Variants in GTF2B observed in about 807,000 individuals in gnomAD.
GTF2B encodes the protein transcription initiation factor IIB.
A neutral mutation model predicts 34.6 loss-of-function variants in GTF2B; 20 were observed. The observed-to-expected ratio is 0.58, with a 90% CI of 0.41 to 0.84. The LOEUF is 0.84. Among genes scored for constraint, GTF2B ranks in the 40% least tolerant of loss-of-function variants. GTF2B has a pLI of 0.00. For missense variants in GTF2B, 237 were observed against 393.3 expected (o/e 0.60, Z 3.36); for synonymous variants, 142 against 132.4 (o/e 1.07, Z -0.50).
chr1:88,859,787 G>C, intron 5 of GTF2B, 95 bp downstream of exon 5: 1 of 1,076,764 alleles, frequency 9.3e-7, no homozygotes, highest in South Asian at 1.4e-5. Context: ...AGTGAGTCAA[G>C]ATTGCGCCAC....
At chr1:88,859,853 AAC>A (rs771278467) in intron 5 of GTF2B, 27 bp downstream of exon 5, 3 of 1,600,754 alleles carry the variant, frequency 1.9e-6, no homozygotes, top group Non-Finnish European at 8.5e-7. Context: ...CAAACAAACA[AAC>A]ACAAAAAAAC....
At chr1:88,857,722 G>A (rs991531083) in intron 5 of GTF2B, among the ~76,000 whole-genome samples, 4 of 114,962 alleles carry the variant, frequency 3.5e-5, no homozygotes, top group African/African-American at 1.5e-4. Flanking sequence ...TCACTCTGTC[G>A]CCCAGACTAA....
chr1:88,854,860 A>G (rs17130636), intron 6 of GTF2B, among the ~76,000 whole-genome samples: 3,685 of 152,288 alleles, frequency 0.024, 95 homozygotes, highest in South Asian at 0.07. Context: ...GTGAGGTTTT[A>G]GTGATTTTCA....
At chr1:88,882,142 T>C (rs557474777) in intron 2 of GTF2B, among the ~76,000 whole-genome samples, 28 of 151,986 alleles carry the variant, frequency 1.8e-4, no homozygotes, top group African/African-American at 5.3e-4. Flanking sequence ...AAACCCTGTC[T>C]CTACTAAAAA....
At chr1:88,884,287 A>G (rs1260229457) in intron 2 of GTF2B, among the ~76,000 whole-genome samples, 1 of 152,082 alleles carries the variant, frequency 6.6e-6, no homozygotes, top group African/African-American at 2.4e-5. Flanking sequence ...CAGCCTCCGA[A>G]AGTGCTGGGA....
intron 2 of GTF2B, among the ~76,000 whole-genome samples, chr1:88,875,173 T>G (rs1673791808): frequency 6.6e-6 from 1 of 152,206 alleles, no homozygotes; most frequent in Non-Finnish European, 1.5e-5. Context: ...AGATACTTTA[T>G]AAAGAAATAC....
At chr1:88,856,282 A>AC (rs1557652109) in intron 6 of GTF2B, among the ~76,000 whole-genome samples, 4 of 118,522 alleles carry the variant, frequency 3.4e-5, no homozygotes, top group Non-Finnish European at 5.4e-5. Flanking sequence ...CAAAAAAAAA[A>AC]AAAAAAAACA....
In GTF2B at chr1:88,853,362, C is replaced by T. The variant is rs758890507; in HGVS notation, c.818-16G>A. 9.9e-6 allele frequency: 16 copies of T among 1,608,568 alleles called. No homozygotes were observed. The highest frequency in any genetic ancestry group is 7.7e-5 in the South Asian group (7 of 90,946). ...TCTCCAATTTCTAAAAGACAAAAAT[C>T]GAAACATTAACCATCATTTCCATCC... is the stretch of plus-strand genomic sequence containing the variant. On this transcript the variant is annotated splice_polypyrimidine_tract_variant and intron_variant, in intron 6 of 6. Transcript: ENST00000370500.
intron 2 of GTF2B, among the ~76,000 whole-genome samples, chr1:88,885,715 A>G (rs1366812557): frequency 6.6e-6 from 1 of 152,170 alleles, no homozygotes; most frequent in Non-Finnish European, 1.5e-5. Context: ...ACGCCATTGC[A>G]CTCCAGCCTG....
intron 2 of GTF2B, among the ~76,000 whole-genome samples, chr1:88,877,677 A>G (rs77666167): frequency 0.048 from 7,277 of 152,346 alleles, 213 homozygotes; most frequent in Middle Eastern, 0.061. Flanking sequence ...CATGCCTGTA[A>G]TCCCAGCATT....
intron 2 of GTF2B, among the ~76,000 whole-genome samples, chr1:88,880,330 C>T (rs1405415029): frequency 6.6e-6 from 1 of 152,158 alleles, no homozygotes; most frequent in East Asian, 1.9e-4. Context: ...TATTTGCCCA[C>T]CTTGATTTCT....
chr1:88,857,144 G>C, intron 6 of GTF2B, 62 bp downstream of exon 6: 1 of 1,462,432 alleles, frequency 6.8e-7, no homozygotes, highest in South Asian at 1.3e-5. Flanking sequence ...ACTTAAAATG[G>C]AAAAACAATC....
At chr1:88,873,161 C>A (rs2100972918) in intron 2 of GTF2B, among the ~76,000 whole-genome samples, 1 of 149,084 alleles carries the variant, frequency 6.7e-6, no homozygotes, top group Admixed American at 6.7e-5. Flanking sequence ...ACAAGAGAAA[C>A]TTCCCACAGG....
intron 2 of GTF2B, among the ~76,000 whole-genome samples, chr1:88,885,485 C>T (rs1183007862): frequency 1.3e-5 from 2 of 151,276 alleles, no homozygotes; most frequent in South Asian, 2.1e-4. Context: ...CAGTGGCTCA[C>T]GCCTGTAATC....
At chr1:88,874,489 CTAATT>C (rs1673768487) in intron 2 of GTF2B, among the ~76,000 whole-genome samples, 1 of 132,582 alleles carries the variant, frequency 7.5e-6, no homozygotes, top group Non-Finnish European at 1.6e-5. Context: ...CCACACACAG[CTAATT>C]AAATTTTTTT....
chr1:88,869,037 C>A (rs1673627483), intron 2 of GTF2B, among the ~76,000 whole-genome samples: 1 of 152,098 alleles, frequency 6.6e-6, no homozygotes, highest in Admixed American at 6.5e-5. Flanking sequence ...CCGCGCCCGG[C>A]CTGTATCTGT....
chr1:88,873,933 T>G (rs989829037), intron 2 of GTF2B, among the ~76,000 whole-genome samples: 6 of 151,996 alleles, frequency 3.9e-5, no homozygotes, highest in African/African-American at 1.5e-4. Flanking sequence ...CTCTTACTAA[T>G]GAAAGAATGG....
intron 2 of GTF2B, among the ~76,000 whole-genome samples, chr1:88,879,573 G>C (rs1406656847): frequency 2.2e-5 from 3 of 138,638 alleles, no homozygotes; most frequent in African/African-American, 7.9e-5. Context: ...AACAGAGTGA[G>C]ATTCCATCTT....
chr1:88,876,660 C>T (rs1300968365), intron 2 of GTF2B, among the ~76,000 whole-genome samples: 3 of 152,076 alleles, frequency 2.0e-5, no homozygotes, highest in Non-Finnish European at 2.9e-5. Context: ...GGCAACAGAG[C>T]GAGACCCTGT....
Sources: gnomAD v4.1 joint callset for allele counts (sites outside exome capture counted in the v4.1 genomes callset) on GRCh38, gnomAD v4.1.1 for gene constraint, MANE v1.5 for transcripts, NCBI Gene and HGNC (gene_info 2026-07-23, HGNC 2026-07-21) for gene names.